CHRNG: variants seen among roughly 807,000 people sequenced by gnomAD.
CHRNG encodes cholinergic receptor nicotinic gamma subunit.
In CHRNG, 72 loss-of-function variants were observed where a neutral mutation model predicts 65.2. The observed-to-expected ratio is 1.10, with a 90% CI of 0.91 to 1.34. The LOEUF (loss-of-function observed/expected upper bound fraction) is 1.34, where lower values mean the gene tolerates loss of function less well. Among genes scored for constraint, CHRNG ranks in the 40% most tolerant of loss-of-function variants. The pLI, the probability that CHRNG is intolerant of heterozygous loss-of-function variation, is 0.00. For synonymous variants in CHRNG, 284 were observed against 290.2 expected (o/e 0.98, Z 0.22); for missense variants, 637 against 680.1 (o/e 0.94, Z 0.70).
intron 11 of CHRNG, among the ~76,000 whole-genome samples, chr2:232,545,181 C>A (rs1202689143): frequency 6.6e-6 from 1 of 152,042 alleles, no homozygotes; most frequent in Admixed American, 6.5e-5. Flanking sequence ...GTGGCGGGCA[C>A]CTGTATTCCC....
At position 232,540,626 on chromosome 2, in the gene CHRNG, T is replaced by C; in HGVS notation, c.265T>C (p.Trp89Arg). 1 of 1,612,710 alleles carries C rather than the reference T, an allele frequency of 6.2e-7. No homozygotes were observed. The highest frequency in any genetic ancestry group is 8.5e-7 in the Non-Finnish European group (1 of 1,179,940). The change falls in exon 4 of 12, where the codon TGG becomes CGG. Residue 89 changes from tryptophan (W) to arginine (R), a missense_variant. By Grantham distance (101) the Trp-to-Arg change is moderately radical. Transcript: ENST00000651502. The surrounding 1 kb of genome is among the most constrained non-coding windows in gnomAD (Gnocchi z 4.2). ...GCAGTGGTGCGACTATCGCCTGCGCTGGGATCCGCGAGACTACGAAGGCCT... is the reference window on the plus strand; with the variant it reads ...GCAGTGGTGCGACTATCGCCTGCGCCGGGATCCGCGAGACTACGAAGGCCT... ...EMQWCDYRLR[W>R]DPRDYEGLWV...
rs1692049517 is a variant in CHRNG at position 232,543,013 on chromosome 2, A to T, written c.736A>T (p.Ile246Phe). The T allele has an allele frequency of 6.2e-7, 1 of 1,613,834 alleles. No individual in the cohort carries two copies. The highest frequency in any genetic ancestry group is 1.3e-5 in the African/African-American group (1 of 74,914). The change falls in exon 7 of 12, where the codon ATC (isoleucine) becomes TTC (phenylalanine). Residue 246 changes from isoleucine (I) to phenylalanine (F), a missense_variant. Ile to Phe is a conservative substitution (Grantham distance 21). Transcript: ENST00000651502. ...CCAGCGCAAGCCCCTCTTCTACGTCATCAACATCATCGCCCCCTGTGTGCT... is the reference window on the plus strand; with the variant it reads ...CCAGCGCAAGCCCCTCTTCTACGTCTTCAACATCATCGCCCCCTGTGTGCT... ...LIQRKPLFYV[I>F]NIIAPCVLIS...
intron 10 of CHRNG, 84 bp from the exon 11 acceptor site, chr2:232,544,688 A>G: frequency 6.3e-7 from 1 of 1,578,752 alleles, no homozygotes; most frequent in East Asian, 2.2e-5. Context: ...GGGAGAGAGG[A>G]GCTGGGGTCC....
chr2:232,544,486 T>C lies in CHRNG; in HGVS notation c.1155T>C (p.Thr385=), dbSNP rs370313191. The C allele has an allele frequency of 4.3e-6, 7 of 1,613,634 alleles. No homozygotes were observed. Among genetic ancestry groups the C allele is most frequent in the Non-Finnish European group, 5.9e-6 (7 of 1,179,990 alleles). The change falls in exon 10 of 12, where the codon ACT becomes ACC. Residue 385 remains threonine, a synonymous_variant. Coordinates refer to ENST00000651502, the MANE Select transcript of CHRNG (RefSeq NM_005199.5). The part of the protein sequence containing the change: ...QNGSSGWSIT[T]GEEVALCLPR... ...GCTCCTCGGGATGGTCGATCACAAC[T>C]GGGGAGGAGGTGGCCCTCTGCCTGC...
Position 232,545,585 on chromosome 2 carries a change from G to A in CHRNG, c.1423G>A (p.Val475Ile), listed in dbSNP as rs764228635. ...WFLVGRVLDR[V>I]CFLAMLSLFI... ...CCTGGTGGGCCGAGTGCTGGACCGC[G>A]TCTGCTTCCTGGCCATGCTCTCGCT... is the stretch of plus-strand genomic sequence containing the variant. The change falls in exon 12 of 12, where the codon GTC becomes ATC. Residue 475 changes from valine (V) to isoleucine (I), a missense_variant. Physicochemically the swap from Val to Ile is conservative, Grantham distance 29. Transcript: ENST00000651502. 78 of 1,613,968 alleles carry A rather than the reference G, an allele frequency of 4.8e-5. No homozygotes were observed. In the South Asian group the frequency reaches 5.3e-4, roughly 11 times the overall value.
rs1692161930 is a variant in CHRNG at position 232,548,069 on chromosome 2, A to C, written c.*2353A>C. 1 of 597,654 alleles carries C rather than the reference A, an allele frequency of 1.7e-6. No individual in the cohort carries two copies. Among genetic ancestry groups the C allele is most frequent in the Non-Finnish European group, 2.9e-6 (1 of 346,016 alleles). 37.0% of individuals were successfully genotyped at this position (597,654 alleles called of 1,614,324 possible). A position where few individuals can be genotyped will look rare whatever the true frequency, so the allele number is the denominator to read the frequency against. On this transcript the variant is annotated 3_prime_UTR_variant, in exon 12 of 12. Coordinates refer to ENST00000651502, the MANE Select transcript of CHRNG (RefSeq NM_005199.5). ...GTCTAATAAAACAATATACATACCT[A>C]AATTTAAAAATACTTTATTGCTAAA...
rs138875718 is a variant in CHRNG, at chr2:232,542,635, T to C, written c.604+115T>C. 9 of 779,130 alleles carry C rather than the reference T, an allele frequency of 1.2e-5. No homozygotes were observed. The East Asian group carries it at 2.3e-4, about 20-fold the overall frequency. The allele number at this position is 779,130 out of a possible 1,614,324, so 48.3% of individuals were successfully genotyped here. A position where few individuals can be genotyped will look rare whatever the true frequency, so the allele number is the denominator to read the frequency against. On this transcript the variant is annotated intron_variant, in intron 6 of 11. Coordinates refer to ENST00000651502, the MANE Select transcript of CHRNG (RefSeq NM_005199.5). The stretch of plus-strand genomic sequence containing the variant: ...CTCCCATGTAACTCAAAATGAAAAC[T>C]ACAGCAAACCATAAAATATGCTTTT...
Position 232,547,861 on chromosome 2 carries a change from T to C in CHRNG, c.*2145T>C, listed in dbSNP as rs1050171133. Reference sequence around the variant, plus strand: ...TAACATTAGCTGCCATTACTATAAGTTACTGTCTCATGGGATCCATACAGC... The same window carrying C: ...TAACATTAGCTGCCATTACTATAAGCTACTGTCTCATGGGATCCATACAGC... On this transcript the variant is annotated 3_prime_UTR_variant, in exon 12 of 12. Transcript: ENST00000651502. The C allele has an allele frequency of 2.8e-6, 1 of 362,090 alleles. No individual in the cohort carries two copies. The allele number at this position is 362,090 out of a possible 1,614,324, so 22.4% of individuals were successfully genotyped here. A position where few individuals can be genotyped will look rare whatever the true frequency, so the allele number is the denominator to read the frequency against.
In CHRNG at chr2:232,543,691, G is replaced by A. The variant is rs1167379908; in HGVS notation, c.1027G>A (p.Val343Ile). ...SPHTHSMARGVRKVFLRLLPQ... is the reference protein window; with the variant it reads ...SPHTHSMARGIRKVFLRLLPQ... The stretch of plus-strand genomic sequence containing the variant: ...ACACACACACTCCATGGCCCGAGGG[G>A]TCCGCAAGGCAAGGACCCTCCCTGC... Residue 343 changes from valine to isoleucine, a missense_variant, in exon 9 of 12, where the codon GTC becomes ATC. Coordinates refer to ENST00000651502, the MANE Select transcript of CHRNG (RefSeq NM_005199.5). 3 of 1,605,774 alleles carry A rather than the reference G, an allele frequency of 1.9e-6. No homozygotes were observed. The highest frequency in any genetic ancestry group is 2.6e-6 in the Non-Finnish European group (3 of 1,172,634).
In CHRNG at chr2:232,540,052, C is replaced by T; in HGVS notation, c.116C>T (p.Pro39Leu). ...LLADLMQNYDPNLRPAERDSD... is the reference protein window; with the variant it reads ...LLADLMQNYDLNLRPAERDSD... The stretch of plus-strand genomic sequence containing the variant: ...GCAGACCTGATGCAAAACTACGACC[C>T]CAACCTGCGGCCCGCGGAACGAGAC... Residue 39 changes from proline (P) to leucine (L), a missense_variant, in exon 2 of 12, where the codon CCC becomes CTC. Coordinates refer to ENST00000651502, the MANE Select transcript of CHRNG (RefSeq NM_005199.5). The surrounding 1 kb of genome is among the most constrained non-coding windows in gnomAD (Gnocchi z 4.2). 6.2e-7 allele frequency: 1 copy of T among 1,614,208 alleles called. No homozygotes were observed. The highest frequency in any genetic ancestry group is 8.5e-7 in the Non-Finnish European group (1 of 1,180,026).
chr2:232,544,340 G>A (rs1692079607), intron 9 of CHRNG, 27 bp from the exon 10 acceptor site: 2 of 1,571,164 alleles, frequency 1.3e-6, no homozygotes, highest in African/African-American at 1.3e-5. Flanking sequence ...TCGGCCTGCT[G>A]CCCTAGTGAA....
At chr2:232,545,489 C>T in intron 11 of CHRNG, 54 bp from the exon 12 acceptor site, 1 of 1,513,242 alleles carries the variant, frequency 6.6e-7, no homozygotes. Context: ...GAACAGGACC[C>T]AGGGAAGACC....
rs141402683 is a variant in CHRNG at position 232,540,068 on chromosome 2, G to A, written c.132G>A (p.Ala44=). 744 of 1,614,210 alleles carry A rather than the reference G, an allele frequency of 4.6e-4. 4 individuals are homozygous for A. The highest frequency in any genetic ancestry group is 1.8e-3 in the Middle Eastern group (11 of 6,062). ...MQNYDPNLRP[A]ERDSDVVNVS... is the part of the protein sequence containing the mutation. ...ACTACGACCCCAACCTGCGGCCCGCGGAACGAGACTCGGATGTGGTCAATG... is the reference window on the plus strand; with the variant it reads ...ACTACGACCCCAACCTGCGGCCCGCAGAACGAGACTCGGATGTGGTCAATG... Residue 44 remains alanine (A), a synonymous_variant, in exon 2 of 12, where the codon GCG becomes GCA. Transcript: ENST00000651502. This position sits in a 1 kb window ranked among gnomAD's most constrained non-coding sequence, Gnocchi z 4.2.
chr2:232,542,959 C>T lies in CHRNG; in HGVS notation c.682C>T (p.His228Tyr). ...DPAAPAQEAG[H>Y]QKVVFYLLIQ... ...AGCGGCGCCAGCCCAGGAAGCAGGC[C>T]ACCAGAAGGTGGTGTTCTACCTGCT... The change falls in exon 7 of 12, where the codon CAC becomes TAC. Residue 228 changes from histidine to tyrosine, a missense_variant. His to Tyr is a moderately conservative substitution (Grantham distance 83, BLOSUM62 2). Transcript: ENST00000651502. 6.2e-7 allele frequency: 1 copy of T among 1,614,164 alleles called. No individual in the cohort carries two copies. The highest frequency in any genetic ancestry group is 8.5e-7 in the Non-Finnish European group (1 of 1,179,972).
At chr2:232,544,689 G>T in intron 10 of CHRNG, 83 bp from the exon 11 acceptor site, 1 of 1,576,046 alleles carries the variant, frequency 6.3e-7, no homozygotes, top group African/African-American at 1.3e-5. Flanking sequence ...GGAGAGAGGA[G>T]CTGGGGTCCC....
rs1350191735 is a variant in CHRNG, at chr2:232,544,392, T to G, written c.1061T>G (p.Leu354Arg). 2 of 1,613,424 alleles carry G rather than the reference T, an allele frequency of 1.2e-6. No individual in the cohort carries two copies. The highest frequency in any genetic ancestry group is 1.7e-5 in the Admixed American group (1 of 60,034). The change falls in exon 10 of 12, where the codon CTG becomes CGG. Residue 354 changes from leucine to arginine, a missense_variant. Coordinates refer to ENST00000651502, the MANE Select transcript of CHRNG (RefSeq NM_005199.5). Reference sequence around the variant, plus strand: ...GTGTTCCTGAGGCTCTTGCCCCAGCTGCTGAGGATGCACGTTCGCCCGCTG... The same window carrying G: ...GTGTTCCTGAGGCTCTTGCCCCAGCGGCTGAGGATGCACGTTCGCCCGCTG... ...RKVFLRLLPQLLRMHVRPLAP... is the reference protein window; with the variant it reads ...RKVFLRLLPQRLRMHVRPLAP...
chr2:232,543,484 C>T, intron 8 of CHRNG, 95 bp downstream of exon 8: 3 of 1,178,098 alleles, frequency 2.5e-6, no homozygotes, highest in Middle Eastern at 1.9e-4. Flanking sequence ...CCATCCACCC[C>T]CCCCATCCTC....
chr2:232,543,486 C>T, intron 8 of CHRNG, 97 bp downstream of exon 8: 1 of 1,182,716 alleles, frequency 8.5e-7, no homozygotes, highest in Non-Finnish European at 1.2e-6. Context: ...ATCCACCCCC[C>T]CCATCCTCAA....
intron 1 of CHRNG, 54 bp downstream of exon 1, chr2:232,539,856 C>T (rs894976858): frequency 2.2e-5 from 36 of 1,611,964 alleles, no homozygotes; most frequent in Admixed American, 6.7e-5. Flanking sequence ...GGTCCACAGC[C>T]TCAGGGGATG....
Sources: allele counts gnomAD v4.1 joint callset (sites outside exome capture counted in the v4.1 genomes callset), GRCh38; gene constraint gnomAD v4.1.1; non-coding constraint Gnocchi (gnomAD v3.1); transcripts MANE v1.5; gene names NCBI Gene and HGNC (gene_info 2026-07-23, HGNC 2026-07-21).